TLX1: variants seen among roughly 807,000 people sequenced by gnomAD.
TLX1 encodes T cell leukemia homeobox 1, also known as T-cell leukemia homeobox protein 1.
TLX1 carries 6 observed loss-of-function variants against 26.5 expected under a neutral mutation model. The observed-to-expected ratio is 0.23, with a 90% CI of 0.12 to 0.45. The LOEUF is 0.45. Ranked by LOEUF, TLX1 falls within the 20% of genes least tolerant of loss-of-function variation. The pLI is 0.99. For missense variants in TLX1, 418 were observed against 482.6 expected (o/e 0.87, Z 1.25); for synonymous variants, 217 against 219.7 (o/e 0.99, Z 0.11).
At position 101,131,530 on chromosome 10, in the gene TLX1, G is replaced by A; in HGVS notation, c.-12G>A. 6 of 1,460,662 alleles carry A rather than the reference G, an allele frequency of 4.1e-6. No individual in the cohort carries two copies. The highest frequency in any genetic ancestry group is 1.5e-5 in the South Asian group (1 of 65,820). The allele number at this position is 1,460,662 out of a possible 1,614,324, so 90.5% of individuals were successfully genotyped here. On this transcript the variant is annotated 5_prime_UTR_variant, in exon 1 of 3. Coordinates refer to ENST00000370196, the MANE Select transcript of TLX1 (RefSeq NM_005521.4). ...GCCGCCGCCCGGGCCCCCCGGTGGG[G>A]CCAGGGCCAGCATGGAGCACCTGGG...
At chr10:101,136,269 C>T (rs1203919598) in intron 2 of TLX1, among the ~76,000 whole-genome samples, 2 of 152,360 alleles carry the variant, frequency 1.3e-5, no homozygotes, top group East Asian at 1.9e-4. Context: ...CCCGCTGGTC[C>T]TTGCCTCTCT....
chr10:101,131,843 A>G lies in TLX1; in HGVS notation c.302A>G (p.Tyr101Cys). The change falls in exon 1 of 3, where the codon TAC becomes TGC. Residue 101 changes from tyrosine (Y) to cysteine (C), a missense_variant. This residue lies in a region of TLX1 where 322 missense variants were observed against 344.6 expected (regional missense o/e 0.93). Transcript: ENST00000370196. ...AGCATGGGTCCTCTGACCGGCTCCT[A>G]CAACGTGAACATGGCCTTGGCAGGC... ...ACSMGPLTGS[Y>C]NVNMALAGGP... The G allele has an allele frequency of 7.1e-7, 1 of 1,410,770 alleles. No individual in the cohort carries two copies. The highest frequency in any genetic ancestry group is 9.2e-7 in the Non-Finnish European group (1 of 1,090,494). The allele number at this position is 1,410,770 out of a possible 1,614,324, so 87.4% of individuals were successfully genotyped here. A position where few individuals can be genotyped will look rare whatever the true frequency, so the allele number is the denominator to read the frequency against.
Position 101,132,003 on chromosome 10 carries a change from G to A in TLX1, c.462G>A (p.Leu154=). 1 of 1,517,822 alleles carries A rather than the reference G, an allele frequency of 6.6e-7. No individual in the cohort carries two copies. Among genetic ancestry groups the A allele is most frequent in the Non-Finnish European group, 8.8e-7 (1 of 1,142,566 alleles). The allele number at this position is 1,517,822 out of a possible 1,614,324, so 94.0% of individuals were successfully genotyped here. A position where few individuals can be genotyped will look rare whatever the true frequency, so the allele number is the denominator to read the frequency against. Residue 154 remains leucine, a synonymous_variant, in exon 1 of 3, where the codon TTG becomes TTA. Coordinates refer to ENST00000370196, the MANE Select transcript of TLX1 (RefSeq NM_005521.4). This position sits in a 1 kb window ranked among gnomAD's most constrained non-coding sequence, Gnocchi z 4.1. ...VAHPQPLATG[L]PTVPSVPAMP... ...ACCCCCAGCCCCTGGCCACCGGCTT[G>A]CCCACCGTGCCCTCTGTGCCTGCCA...
chr10:101,131,991 G>T lies in TLX1; in HGVS notation c.450G>T (p.Leu150=). ...LAGAVAHPQP[L]ATGLPTVPSV... ...GAGCCGTGGCCCACCCCCAGCCCCT[G>T]GCCACCGGCTTGCCCACCGTGCCCT... Residue 150 remains leucine, a synonymous_variant, in exon 1 of 3, where the codon CTG becomes CTT. Transcript: ENST00000370196. The T allele has an allele frequency of 6.6e-7, 1 of 1,525,732 alleles. No homozygotes were observed. The highest frequency in any genetic ancestry group is 1.2e-5 in the South Asian group (1 of 82,054). The allele number at this position is 1,525,732 out of a possible 1,614,324, so 94.5% of individuals were successfully genotyped here. A position where few individuals can be genotyped will look rare whatever the true frequency, so the allele number is the denominator to read the frequency against.
Position 101,136,745 on chromosome 10 carries a change from C to T in TLX1, c.825C>T (p.Leu275=), listed in dbSNP as rs895358004. 8.7e-6 allele frequency: 14 copies of T among 1,613,142 alleles called. No homozygotes were observed. The highest frequency in any genetic ancestry group is 2.5e-6 in the Non-Finnish European group (3 of 1,180,004). Reference sequence around the variant, plus strand: ...AGAGGCAGCAAGCGAACCGCATCCTCCTGCAGTTGCAGCAGGAGGCCTTCC... The same window carrying T: ...AGAGGCAGCAAGCGAACCGCATCCTTCTGCAGTTGCAGCAGGAGGCCTTCC... ...EAERQQANRI[L]LQLQQEAFQK... The change falls in exon 3 of 3, where the codon CTC becomes CTT. Residue 275 remains leucine (L), a synonymous_variant. Transcript: ENST00000370196.
chr10:101,132,203 TC>T lies in TLX1; in HGVS notation c.568+96del. ...TGGCTCCCCAAAGCCGGTTCTGCGCTCCAGGTCGCCCAGCTCTTCTTGGTGC... is the reference window on the plus strand; with the variant it reads ...TGGCTCCCCAAAGCCGGTTCTGCGCTCAGGTCGCCCAGCTCTTCTTGGTGC... On this transcript the variant is annotated intron_variant, in intron 1 of 2. Transcript: ENST00000370196. This position sits in a 1 kb window ranked among gnomAD's most constrained non-coding sequence, Gnocchi z 4.1. 8.8e-7 allele frequency: 1 copy of T among 1,138,906 alleles called. No homozygotes were observed. The highest frequency in any genetic ancestry group is 1.1e-6 in the Non-Finnish European group (1 of 892,058). 70.6% of individuals were successfully genotyped at this position (1,138,906 alleles called of 1,614,324 possible). A position where few individuals can be genotyped will look rare whatever the true frequency, so the allele number is the denominator to read the frequency against.
At chr10:101,133,403 C>A (rs1338897798) in intron 1 of TLX1, among the ~76,000 whole-genome samples, 1 of 152,204 alleles carries the variant, frequency 6.6e-6, no homozygotes, top group Non-Finnish European at 1.5e-5. Context: ...AAGGGCCCTC[C>A]CTAGAGGGGT....
intron 1 of TLX1, 126 bp from the exon 2 acceptor site, chr10:101,134,049 C>A: frequency 1.1e-6 from 1 of 878,252 alleles, no homozygotes; most frequent in South Asian, 1.7e-5. Context: ...GGTTCAGCTG[C>A]TGCGCTCGCT....
chr10:101,136,562 A>G, intron 2 of TLX1, 129 bp from the exon 3 acceptor site: 3 of 1,527,256 alleles, frequency 2.0e-6, no homozygotes, highest in Non-Finnish European at 2.7e-6. Context: ...TAGGGGCCCA[A>G]ACTGGATTTG....
At chr10:101,134,398 G>T in intron 2 of TLX1, 22 bp downstream of exon 2, 1 of 1,529,780 alleles carries the variant, frequency 6.5e-7, no homozygotes, top group East Asian at 2.4e-5. Flanking sequence ...GGGCGGGCCG[G>T]CCGCCCGCGA....
chr10:101,131,944 C>A lies in TLX1; in HGVS notation c.403C>A (p.Pro135Thr). 1 of 1,447,354 alleles carries A rather than the reference C, an allele frequency of 6.9e-7. No individual in the cohort carries two copies. The highest frequency in any genetic ancestry group is 9.0e-7 in the Non-Finnish European group (1 of 1,105,168). The allele number at this position is 1,447,354 out of a possible 1,614,324, so 89.7% of individuals were successfully genotyped here. ...CAGCGCTGCGGGGGTAATCCGGGTG[C>A]CGGCACACAGGCCGCTCGCCGGAGC... ...ALSAAGVIRV[P>T]AHRPLAGAVA... The change falls in exon 1 of 3, where the codon CCG becomes ACG. Residue 135 changes from proline to threonine, a missense_variant. Physicochemically the swap from Pro to Thr is conservative, Grantham distance 38 (BLOSUM62 -1). Coordinates refer to ENST00000370196, the MANE Select transcript of TLX1 (RefSeq NM_005521.4).
intron 1 of TLX1, 148 bp from the exon 2 acceptor site, chr10:101,134,027 C>T: frequency 2.8e-6 from 2 of 718,652 alleles, no homozygotes; most frequent in Admixed American, 3.0e-5. Context: ...GGATCTCGGC[C>T]CTGCTCGTGG....
chr10:101,136,884 G>A lies in TLX1; in HGVS notation c.964G>A (p.Val322Ile). The change falls in exon 3 of 3, where the codon GTC becomes ATC. Residue 322 changes from valine to isoleucine, a missense_variant. Physicochemically the swap from Val to Ile is conservative, Grantham distance 29 (BLOSUM62 3). Around this residue, in one of 3 missense-constraint regions of TLX1, gnomAD observed 78 missense variants for 92.2 expected, o/e 0.85. Transcript: ENST00000370196. ...WSDDSTKITS[V>I]TSVASACE Reference sequence around the variant, plus strand: ...TGACGACTCGACCAAAATCACTAGCGTCACGTCGGTGGCGTCGGCCTGCGA... The same window carrying A: ...TGACGACTCGACCAAAATCACTAGCATCACGTCGGTGGCGTCGGCCTGCGA... The A allele has an allele frequency of 1.2e-6, 2 of 1,613,706 alleles. No homozygotes were observed. Among genetic ancestry groups the A allele is most frequent in the Non-Finnish European group, 1.7e-6 (2 of 1,180,030 alleles).
At chr10:101,135,877 A>C (rs1478960992) in intron 2 of TLX1, among the ~76,000 whole-genome samples, 1 of 152,210 alleles carries the variant, frequency 6.6e-6, no homozygotes, top group Non-Finnish European at 1.5e-5. Context: ...TTTGAAATGC[A>C]GGGGATAAGG....
At position 101,134,168 on chromosome 10, in the gene TLX1, C is replaced by T. The variant is rs1940238405; in HGVS notation, c.569-7C>T. On this transcript the variant is annotated splice_polypyrimidine_tract_variant and splice_region_variant and intron_variant, in intron 1 of 2. Coordinates refer to ENST00000370196, the MANE Select transcript of TLX1 (RefSeq NM_005521.4). ...CCTCTCACCCTTCACTGTAACACGC[C>T]GTATAGGTCACCCCTATCAGAACCG... 1 of 1,595,230 alleles carries T rather than the reference C, an allele frequency of 6.3e-7. No homozygotes were observed. The highest frequency in any genetic ancestry group is 8.5e-7 in the Non-Finnish European group (1 of 1,171,730).
chr10:101,135,823 A>G (rs1940283793), intron 2 of TLX1, among the ~76,000 whole-genome samples: 1 of 152,204 alleles, frequency 6.6e-6, no homozygotes, highest in South Asian at 2.1e-4. Flanking sequence ...AGGAGAGAAA[A>G]CGAGAGATAA....
chr10:101,131,320 G>T lies in TLX1; in HGVS notation c.-222G>T, dbSNP rs1223890644. 3 of 419,972 alleles carry T rather than the reference G, an allele frequency of 7.1e-6. No individual in the cohort carries two copies. Among genetic ancestry groups the T allele is most frequent in the East Asian group, 3.6e-5 (1 of 27,944 alleles). The allele number at this position is 419,972 out of a possible 1,614,324, so 26.0% of individuals were successfully genotyped here. On this transcript the variant is annotated 5_prime_UTR_variant, in exon 1 of 3. Transcript: ENST00000370196. ...TGATTGATGTCCCAGAGTCAACAGC[G>T]AGCGAGCAGCCGGAGCGGGGAAGCA...
chr10:101,132,227 T>G lies in TLX1; in HGVS notation c.568+118T>G. 1 of 952,580 alleles carries G rather than the reference T, an allele frequency of 1.0e-6. No homozygotes were observed. The highest frequency in any genetic ancestry group is 1.4e-6 in the Non-Finnish European group (1 of 725,022). The allele number at this position is 952,580 out of a possible 1,614,324, so 59.0% of individuals were successfully genotyped here. ...CTCCAGGTCGCCCAGCTCTTCTTGG[T>G]GCTTCCCCCAAGTTGAGCCGCCCGC... is the stretch of plus-strand genomic sequence containing the variant. On this transcript the variant is annotated intron_variant, in intron 1 of 2. Transcript: ENST00000370196. The surrounding 1 kb of genome is among the most constrained non-coding windows in gnomAD (Gnocchi z 4.1).
At position 101,137,445 on chromosome 10, in the gene TLX1, C is replaced by G. The variant is rs568740198; in HGVS notation, c.*532C>G. ...CACAGTGTTTACACTTTGGACCTTA[C>G]GATCAGGCACAGGTCAGGGGTGACA... On this transcript the variant is annotated 3_prime_UTR_variant, in exon 3 of 3. Coordinates refer to ENST00000370196, the MANE Select transcript of TLX1 (RefSeq NM_005521.4). 2.8e-5 allele frequency: 7 copies of G among 246,286 alleles called. No homozygotes were observed. The South Asian group carries it at 9.0e-4, about 32-fold the overall frequency. The allele number at this position is 246,286 out of a possible 1,614,324, so 15.3% of individuals were successfully genotyped here.
Sources: gnomAD v4.1 joint callset for allele counts (sites outside exome capture counted in the v4.1 genomes callset) on GRCh38, gnomAD v4.1.1 for gene constraint, gnomAD v4.1.1 regional missense constraint, Gnocchi (gnomAD v3.1) non-coding constraint, MANE v1.5 for transcripts, NCBI Gene and HGNC (gene_info 2026-07-23, HGNC 2026-07-21) for gene names.